The following SLC16A7 variants were observed in gnomAD, a reference collection of about 807,000 sequenced individuals.
SLC16A7 encodes the protein monocarboxylate transporter 2.
Under a neutral mutation model 34.9 loss-of-function variants are expected in SLC16A7, and 33 were observed. The ratio of observed to expected loss-of-function variants is 0.94; its 90% CI spans 0.72 to 1.26. The LOEUF is 1.26. Among genes scored for constraint, SLC16A7 ranks in the 50% most tolerant of loss-of-function variants. SLC16A7 has a pLI of 0.00. For missense variants in SLC16A7, 573 were observed against 578.1 expected, an observed-to-expected ratio of 0.99 and a Z score of 0.09; for synonymous variants, 201 against 206.6, an observed-to-expected ratio of 0.97 and a Z score of 0.23.
At chr12:59,739,505 C>T (rs1441128637) in intron 3 of SLC16A7, among the ~76,000 whole-genome samples, 4 of 142,106 alleles carry the variant, frequency 2.8e-5, no homozygotes, top group Admixed American at 7.1e-5. Flanking sequence ...AATAAATATA[C>T]GTGTGCATGT....
chr12:59,765,807 G>A (rs1023965090), intron 3 of SLC16A7, among the ~76,000 whole-genome samples: 21 of 152,112 alleles, frequency 1.4e-4, no homozygotes, highest in African/African-American at 5.1e-4. Flanking sequence ...GATTGACTTG[G>A]CAATGCGGGC....
At position 59,779,846 on chromosome 12, in the gene SLC16A7, C is replaced by T; in HGVS notation, c.*167C>T. 3.6e-6 allele frequency: 2 copies of T among 556,424 alleles called. No homozygotes were observed. Among genetic ancestry groups the T allele is most frequent in the Admixed American group, 7.3e-5 (2 of 27,494 alleles). The allele number at this position is 556,424 out of a possible 1,614,324, so 34.5% of individuals were successfully genotyped here. Reference sequence around the variant, plus strand: ...CAAATTTTAAATTAGTTTTTAAAAACTTACTTATTTGGGTAGTTAAATTTT... The same window carrying T: ...CAAATTTTAAATTAGTTTTTAAAAATTTACTTATTTGGGTAGTTAAATTTT... On this transcript the variant is annotated 3_prime_UTR_variant, in exon 6 of 6. Transcript: ENST00000547379.
At chr12:59,760,341 G>A (rs1347574413) in intron 3 of SLC16A7, among the ~76,000 whole-genome samples, 1 of 151,978 alleles carries the variant, frequency 6.6e-6, no homozygotes, top group Non-Finnish European at 1.5e-5. Context: ...CAGGTCCTTG[G>A]AAGTGACCTA....
chr12:59,755,986 G>T (rs1592653040), intron 3 of SLC16A7, among the ~76,000 whole-genome samples: 1 of 152,278 alleles, frequency 6.6e-6, no homozygotes, highest in Admixed American at 6.5e-5. Flanking sequence ...GGACAAACCT[G>T]ACAAAAACAA....
At chr12:59,727,169 T>TATAA (rs1555174541) in intron 3 of SLC16A7, among the ~76,000 whole-genome samples, 1 of 131,780 alleles carries the variant, frequency 7.6e-6, no homozygotes, top group African/African-American at 3.1e-5. Context: ...TATATATATA[T>TATAA]AATATATATA....
intron 3 of SLC16A7, among the ~76,000 whole-genome samples, chr12:59,715,412 A>G (rs1874780405): frequency 6.6e-6 from 1 of 152,222 alleles, no homozygotes. Flanking sequence ...TCCATAAGTC[A>G]TATCACAGCC....
chr12:59,677,115 T>C (rs559511020), intron 2 of SLC16A7, among the ~76,000 whole-genome samples: 1 of 152,176 alleles, frequency 6.6e-6, no homozygotes, highest in Non-Finnish European at 1.5e-5. Context: ...TTTTTGATAC[T>C]TTGAATTTAT....
At chr12:59,624,738 TTG>T (rs34708782) in intron 1 of SLC16A7, among the ~76,000 whole-genome samples, 17,921 of 144,740 alleles carry the variant, frequency 0.12, 1,678 homozygotes, top group East Asian at 0.59. Context: ...GCATTGTTAG[TTG>T]TGTGTGTGTG....
At chr12:59,715,585 A>AGTT (rs1874802715) in intron 3 of SLC16A7, among the ~76,000 whole-genome samples, 1 of 152,158 alleles carries the variant, frequency 6.6e-6, no homozygotes, top group South Asian at 2.1e-4. Flanking sequence ...CCAAGAAAGC[A>AGTT]GTTCATCATC....
At chr12:59,643,039 A>T (rs377160528) in intron 1 of SLC16A7, among the ~76,000 whole-genome samples, 12 of 152,236 alleles carry the variant, frequency 7.9e-5, no homozygotes, top group East Asian at 7.7e-4. Flanking sequence ...TAATTAATTT[A>T]GATTAATATA....
intron 1 of SLC16A7, among the ~76,000 whole-genome samples, chr12:59,623,394 T>A (rs571018279): frequency 6.6e-6 from 1 of 151,776 alleles, no homozygotes; most frequent in Non-Finnish European, 1.5e-5. Context: ...AGAATTGGCA[T>A]TTTTATGGTA....
intron 2 of SLC16A7, among the ~76,000 whole-genome samples, chr12:59,681,833 C>G (rs185155578): frequency 1.3e-5 from 2 of 152,180 alleles, no homozygotes; most frequent in Non-Finnish European, 2.9e-5. Context: ...GTCATTTTTT[C>G]TTAGGCCCCT....
intron 1 of SLC16A7, among the ~76,000 whole-genome samples, chr12:59,645,797 A>C (rs377210004): frequency 7.9e-5 from 12 of 152,266 alleles, no homozygotes; most frequent in African/African-American, 2.9e-4. Flanking sequence ...TTGGAACTTC[A>C]TAGAGACTTG....
intron 1 of SLC16A7, among the ~76,000 whole-genome samples, chr12:59,654,248 G>C (rs1868420961): frequency 2.0e-5 from 3 of 151,084 alleles, no homozygotes; most frequent in African/African-American, 7.3e-5. Flanking sequence ...AGAGTTAATA[G>C]TTAATAGTTA....
chr12:59,677,206 G>A (rs1359205539), intron 2 of SLC16A7, among the ~76,000 whole-genome samples: 2 of 152,070 alleles, frequency 1.3e-5, no homozygotes, highest in Admixed American at 6.6e-5. Flanking sequence ...ACAAAATCAG[G>A]GTTTGTGTGT....
chr12:59,697,876 A>G (rs1015534307), intron 2 of SLC16A7, among the ~76,000 whole-genome samples: 1 of 151,822 alleles, frequency 6.6e-6, no homozygotes, highest in Non-Finnish European at 1.5e-5. Flanking sequence ...TCTTTTTCCA[A>G]TTTCAAATAT....
At chr12:59,611,903 C>T (rs1292126478) in intron 1 of SLC16A7, among the ~76,000 whole-genome samples, 1 of 152,218 alleles carries the variant, frequency 6.6e-6, no homozygotes, top group Non-Finnish European at 1.5e-5. Context: ...TGGCCTTGGG[C>T]AGCTCCTCAC....
At chr12:59,663,474 A>T (rs1317566299) in intron 2 of SLC16A7, among the ~76,000 whole-genome samples, 1 of 152,184 alleles carries the variant, frequency 6.6e-6, no homozygotes, top group Non-Finnish European at 1.5e-5. Flanking sequence ...GAAGTTATTC[A>T]TTGGTTAATC....
intron 1 of SLC16A7, among the ~76,000 whole-genome samples, chr12:59,597,653 A>T (rs1878484978): frequency 6.6e-6 from 1 of 152,172 alleles, no homozygotes. Flanking sequence ...GAGCAAAGTG[A>T]CTAATATTTA....
Sources: gnomAD v4.1 joint callset for allele counts (sites outside exome capture counted in the v4.1 genomes callset) on GRCh38, gnomAD v4.1.1 for gene constraint, MANE v1.5 for transcripts, NCBI Gene and HGNC (gene_info 2026-07-23, HGNC 2026-07-21) for gene names.